MIGA1: variants seen among roughly 807,000 people sequenced by gnomAD.
The protein encoded by MIGA1 is family with sequence similarity 73, member A.
In MIGA1, 58 loss-of-function variants were observed where a neutral mutation model predicts 82.0. That is an observed-to-expected ratio of 0.71 (90% CI 0.57 to 0.88). MIGA1 has a LOEUF of 0.88. MIGA1 is among the 40% of genes least tolerant of loss of function. MIGA1 has a pLI of 0.00. For missense variants in MIGA1, 751 were observed against 749.1 expected, an observed-to-expected ratio of 1.00 and a Z score of -0.03; for synonymous variants, 249 against 253.6, an observed-to-expected ratio of 0.98 and a Z score of 0.17.
intron 8 of MIGA1, among the ~76,000 whole-genome samples, chr1:77,846,184 A>G (rs1351817800): frequency 6.6e-6 from 1 of 152,134 alleles, no homozygotes; most frequent in Non-Finnish European, 1.5e-5. Flanking sequence ...TTCTGACTCT[A>G]TGAATTTGCC....
At chr1:77,840,272 A>G (rs1684579143) in intron 7 of MIGA1, among the ~76,000 whole-genome samples, 1 of 152,198 alleles carries the variant, frequency 6.6e-6, no homozygotes, top group Non-Finnish European at 1.5e-5. Context: ...AAATCCTTCT[A>G]ATTCCTCTGG....
intron 5 of MIGA1, 35 bp downstream of exon 5, chr1:77,807,136 G>T: frequency 6.7e-7 from 1 of 1,489,948 alleles, no homozygotes; most frequent in Non-Finnish European, 9.1e-7. Flanking sequence ...AAGATACTGT[G>T]CTCACATTTA....
In MIGA1 at chr1:77,801,413, T is replaced by G. The variant is rs762017362; in HGVS notation, c.278T>G (p.Phe93Cys). The G allele has an allele frequency of 6.8e-6, 11 of 1,609,200 alleles. No homozygotes were observed. The highest frequency in any genetic ancestry group is 8.5e-6 in the Non-Finnish European group (10 of 1,179,190). The change falls in exon 3 of 16, where the codon TTT (phenylalanine) becomes TGT (cysteine). Residue 93 changes from phenylalanine (F) to cysteine (C), a missense_variant. Phe to Cys is a radical substitution (Grantham distance 205). Coordinates refer to ENST00000370791, the MANE Select transcript of MIGA1 (RefSeq NM_198549.4). ...TCTGTAATTTTTCTGGCTCATCACT[T>G]TAAAAGAAAACGTGGAAAGAAGAAA... is the stretch of plus-strand genomic sequence containing the variant.
intron 12 of MIGA1, 122 bp downstream of exon 12, chr1:77,861,444 C>CT (rs894137752): frequency 3.0e-6 from 2 of 661,356 alleles, no homozygotes; most frequent in African/African-American, 1.9e-5. Context: ...TGTGGGACAT[C>CT]TTTTTTTCTG....
intron 14 of MIGA1, chr1:77,868,111 A>T (rs1026714218): frequency 3.9e-5 from 6 of 152,272 alleles, no homozygotes; most frequent in Non-Finnish European, 7.3e-5. Context: ...CGATGATATC[A>T]GCAAGCTTAA....
intron 3 of MIGA1, 40 bp from the exon 4 acceptor site, chr1:77,803,230 C>T (rs752488320): frequency 8.6e-6 from 11 of 1,279,498 alleles, no homozygotes; most frequent in South Asian, 6.9e-5. Context: ...TTATCATTGG[C>T]GTTATTGATA....
chr1:77,863,212 TTC>T (rs952448415), intron 12 of MIGA1, among the ~76,000 whole-genome samples: 2 of 152,184 alleles, frequency 1.3e-5, no homozygotes, highest in African/African-American at 4.8e-5. Flanking sequence ...TCTTCGACTT[TTC>T]TCTCTTTCTG....
intron 7 of MIGA1, among the ~76,000 whole-genome samples, chr1:77,817,397 A>G (rs981627729): frequency 6.6e-6 from 1 of 152,160 alleles, no homozygotes; most frequent in African/African-American, 2.4e-5. Context: ...GGGACCCACA[A>G]TCAGTCCATG....
At chr1:77,840,383 A>G (rs530110125) in intron 7 of MIGA1, among the ~76,000 whole-genome samples, 2 of 152,360 alleles carry the variant, frequency 1.3e-5, no homozygotes, top group South Asian at 4.1e-4. Flanking sequence ...TGACTAAAGT[A>G]AAACAGACTT....
chr1:77,793,626 ATT>A (rs1279233492), intron 2 of MIGA1, among the ~76,000 whole-genome samples: 4 of 131,502 alleles, frequency 3.0e-5, no homozygotes, highest in Admixed American at 7.8e-5. Context: ...TGCCCAGCTA[ATT>A]TTTTTTTTTT....
At chr1:77,810,620 A>G (rs1458762470) in intron 5 of MIGA1, among the ~76,000 whole-genome samples, 2 of 151,632 alleles carry the variant, frequency 1.3e-5, no homozygotes, top group Non-Finnish European at 2.9e-5. Flanking sequence ...TGCACAATTA[A>G]TAGAAAAGTA....
intron 13 of MIGA1, among the ~76,000 whole-genome samples, chr1:77,864,508 T>C (rs1685589774): frequency 6.7e-6 from 1 of 149,170 alleles, no homozygotes. Context: ...AAAGGCTGTC[T>C]CTTTTAAAAA....
intron 14 of MIGA1, among the ~76,000 whole-genome samples, chr1:77,869,627 A>C (rs1217654727): frequency 8.7e-6 from 1 of 114,468 alleles, no homozygotes; most frequent in Admixed American, 8.7e-5. Flanking sequence ...AGGGGTCCTC[A>C]CTTCCCAGTA....
intron 14 of MIGA1, among the ~76,000 whole-genome samples, chr1:77,872,192 T>C (rs919124179): frequency 1.3e-4 from 20 of 152,086 alleles, no homozygotes; most frequent in African/African-American, 4.8e-4. Flanking sequence ...GGTCTCGAAC[T>C]CCTAAGGGTC....
At chr1:77,818,158 T>C (rs1683654144) in intron 7 of MIGA1, among the ~76,000 whole-genome samples, 13 of 150,248 alleles carry the variant, frequency 8.7e-5, no homozygotes, top group Admixed American at 8.0e-4. Flanking sequence ...AGTTTTGCTC[T>C]TGTTGCCCAG....
At chr1:77,808,979 C>T (rs890721966) in intron 5 of MIGA1, among the ~76,000 whole-genome samples, 1 of 152,112 alleles carries the variant, frequency 6.6e-6, no homozygotes, top group Non-Finnish European at 1.5e-5. Flanking sequence ...GATATGGTGT[C>T]ATGTACCTGT....
chr1:77,817,782 A>G (rs1382170930), intron 7 of MIGA1, among the ~76,000 whole-genome samples: 1 of 152,176 alleles, frequency 6.6e-6, no homozygotes, highest in Non-Finnish European at 1.5e-5. Flanking sequence ...ACTTAAAGTT[A>G]ATAGTCATAA....
chr1:77,795,428 C>T (rs796477161), intron 2 of MIGA1, among the ~76,000 whole-genome samples: 9 of 151,394 alleles, frequency 5.9e-5, no homozygotes, highest in South Asian at 2.1e-4. Flanking sequence ...ACTTACTGCT[C>T]GGCTCAAGCA....
intron 7 of MIGA1, among the ~76,000 whole-genome samples, chr1:77,829,398 C>CACAGTATGTG (rs1174740943): frequency 6.6e-6 from 1 of 152,172 alleles, no homozygotes; most frequent in Non-Finnish European, 1.5e-5. Context: ...CTGTAGTGAG[C>CACAGTATGTG]TAGGATGGCA....
Sources: gnomAD v4.1 joint callset for allele counts (sites outside exome capture counted in the v4.1 genomes callset) on GRCh38, gnomAD v4.1.1 for gene constraint, MANE v1.5 for transcripts, NCBI Gene and HGNC (gene_info 2026-07-23, HGNC 2026-07-21) for gene names.